SH3RF3: variants seen among roughly 807,000 people sequenced by gnomAD.
The protein encoded by SH3RF3 is E3 ubiquitin-protein ligase SH3RF3.
A neutral mutation model predicts 66.3 loss-of-function variants in SH3RF3; 29 were observed. That is an observed-to-expected ratio of 0.44 (90% CI 0.33 to 0.60). The LOEUF is 0.60. Among genes scored for constraint, SH3RF3 ranks in the 20% least tolerant of loss-of-function variants. SH3RF3 has a pLI of 0.04. For synonymous variants in SH3RF3, 583 were observed against 532.0 expected (o/e 1.10, Z -1.32); for missense variants, 1,194 against 1,190.9 (o/e 1.00, Z -0.04).
chr2:109,444,686 C>A (rs1483879266), intron 7 of SH3RF3, among the ~76,000 whole-genome samples: 1 of 152,172 alleles, frequency 6.6e-6, no homozygotes, highest in Admixed American at 6.5e-5. Flanking sequence ...AAACCTAGTT[C>A]TAAGGGAGGG....
chr2:109,472,463 G>A (rs554447795), intron 8 of SH3RF3, among the ~76,000 whole-genome samples: 1 of 152,308 alleles, frequency 6.6e-6, no homozygotes, highest in East Asian at 1.9e-4. Context: ...TTCCCGTCAG[G>A]GCTTGGCAAG....
At chr2:109,456,258 T>C (rs563711700) in intron 8 of SH3RF3, among the ~76,000 whole-genome samples, 40 of 152,318 alleles carry the variant, frequency 2.6e-4, no homozygotes, top group African/African-American at 8.7e-4. Context: ...GTCAGCCCCG[T>C]GTGGCTGGGA....
At chr2:109,441,357 A>G (rs1047684754) in intron 7 of SH3RF3, among the ~76,000 whole-genome samples, 1 of 152,222 alleles carries the variant, frequency 6.6e-6, no homozygotes, top group Admixed American at 6.5e-5. Flanking sequence ...GAGACATAAT[A>G]GACCCAAATC....
intron 1 of SH3RF3, among the ~76,000 whole-genome samples, chr2:109,190,277 G>A (rs1453407693): frequency 3.3e-5 from 5 of 152,066 alleles, no homozygotes; most frequent in African/African-American, 1.2e-4. Context: ...GGGTTCAAGT[G>A]ATTCTTCTGC....
chr2:109,368,150 T>A (rs895858229), intron 2 of SH3RF3, among the ~76,000 whole-genome samples: 5 of 152,260 alleles, frequency 3.3e-5, no homozygotes, highest in Admixed American at 2.6e-4. Context: ...TTAAGGTATT[T>A]GTCTGCCTTT....
At chr2:109,329,079 G>T (rs1353764912) in intron 1 of SH3RF3, among the ~76,000 whole-genome samples, 1 of 152,006 alleles carries the variant, frequency 6.6e-6, no homozygotes, top group Non-Finnish European at 1.5e-5. Flanking sequence ...ATTTCTTCTG[G>T]GAATATTTAT....
intron 1 of SH3RF3, among the ~76,000 whole-genome samples, chr2:109,202,078 G>GGC (rs1678688560): frequency 6.6e-6 from 1 of 151,596 alleles, no homozygotes; most frequent in Admixed American, 6.6e-5. Context: ...GCTGGCAGGA[G>GGC]GCACACAGCC....
intron 1 of SH3RF3, among the ~76,000 whole-genome samples, chr2:109,222,743 G>T (rs564004468): frequency 8.5e-5 from 13 of 152,258 alleles, no homozygotes; most frequent in Non-Finnish European, 1.8e-4. Context: ...CTGACATCCA[G>T]TGTTTCTGTT....
At position 109,352,535 on chromosome 2, in the gene SH3RF3, C is replaced by T. The variant is rs72939594; in HGVS notation, c.849+4586C>T. 8.1e-3 allele frequency among the ~76,000 whole-genome samples: 1,228 copies of T among 152,280 alleles called. 14 individuals are homozygous for T. The highest frequency in any genetic ancestry group is 0.028 in the African/African-American group (1,180 of 41,552). On this transcript the variant is annotated intron_variant, in intron 2 of 9. Transcript: ENST00000309415. The stretch of plus-strand genomic sequence containing the variant: ...TGAGAATTGGGATGACTTTGGGGGC[C>T]GAGACGATGAGGAAACTTTAGCTTT...
chr2:109,460,538 A>G (rs1678183387), intron 8 of SH3RF3, among the ~76,000 whole-genome samples: 1 of 152,196 alleles, frequency 6.6e-6, no homozygotes, highest in Non-Finnish European at 1.5e-5. Flanking sequence ...AATGACAGGA[A>G]TGGCTGAGGA....
chr2:109,279,743 G>T (rs943663968), intron 1 of SH3RF3, among the ~76,000 whole-genome samples: 1 of 90,228 alleles, frequency 1.1e-5, no homozygotes, highest in Non-Finnish European at 2.3e-5. Flanking sequence ...ACGCTTGGGA[G>T]CAGTGACGCG....
chr2:109,262,549 C>G (rs1680381998), intron 1 of SH3RF3, among the ~76,000 whole-genome samples: 1 of 152,144 alleles, frequency 6.6e-6, no homozygotes, highest in Non-Finnish European at 1.5e-5. Flanking sequence ...CAAAGGTTTT[C>G]TTGTTTTATT....
intron 1 of SH3RF3, among the ~76,000 whole-genome samples, chr2:109,301,440 G>C (rs917293669): frequency 3.9e-5 from 6 of 152,082 alleles, no homozygotes; most frequent in African/African-American, 9.7e-5. Flanking sequence ...CCTCTCCTCC[G>C]GGGATTGCTG....
At chr2:109,163,734 A>G (rs1677550711) in intron 1 of SH3RF3, among the ~76,000 whole-genome samples, 1 of 152,118 alleles carries the variant, frequency 6.6e-6, no homozygotes, top group African/African-American at 2.4e-5. Context: ...TCACGATTCC[A>G]CAGTGAGTAA....
intron 7 of SH3RF3, among the ~76,000 whole-genome samples, chr2:109,437,698 C>A (rs1018963794): frequency 6.6e-6 from 1 of 151,400 alleles, no homozygotes; most frequent in African/African-American, 2.4e-5. Context: ...GTTGATCCTT[C>A]GCCTTCATGG....
At chr2:109,209,602 C>T (rs188339433) in intron 1 of SH3RF3, among the ~76,000 whole-genome samples, 23 of 152,284 alleles carry the variant, frequency 1.5e-4, no homozygotes, top group Middle Eastern at 3.4e-3. Context: ...TTCCTATCCA[C>T]TCCCTGCTGT....
chr2:109,252,463 T>G (rs1454647258), intron 1 of SH3RF3, among the ~76,000 whole-genome samples: 1 of 152,194 alleles, frequency 6.6e-6, no homozygotes, highest in East Asian at 1.9e-4. Flanking sequence ...CCTTCAGTTT[T>G]AGCTTTATCA....
At chr2:109,273,158 G>A (rs1345267664) in intron 1 of SH3RF3, among the ~76,000 whole-genome samples, 1 of 152,218 alleles carries the variant, frequency 6.6e-6, no homozygotes, top group African/African-American at 2.4e-5. Flanking sequence ...CCGCTGTACA[G>A]GAAATTAAGG....
chr2:109,329,940 T>C (rs1485296936), intron 1 of SH3RF3, among the ~76,000 whole-genome samples: 3 of 152,244 alleles, frequency 2.0e-5, no homozygotes, highest in Admixed American at 2.0e-4. Context: ...ACTGCAACTT[T>C]CTTCAATGGG....
Sources: gnomAD v4.1 joint callset for allele counts (sites outside exome capture counted in the v4.1 genomes callset) on GRCh38, gnomAD v4.1.1 for gene constraint, MANE v1.5 for transcripts, NCBI Gene and HGNC (gene_info 2026-07-23, HGNC 2026-07-21) for gene names.